The following ACSS3 variants were observed in gnomAD, a reference collection of about 807,000 sequenced individuals.
ACSS3 encodes acyl-CoA synthetase short chain family member 3.
In ACSS3, 64 loss-of-function variants were observed where a neutral mutation model predicts 84.2. That is an observed-to-expected ratio of 0.76 (90% CI 0.62 to 0.94). ACSS3 has a LOEUF of 0.94. Among genes scored for constraint, ACSS3 ranks in the 40% least tolerant of loss-of-function variants. The pLI, the probability that ACSS3 is intolerant of heterozygous loss-of-function variation, is 0.00. For synonymous variants in ACSS3, 317 were observed against 310.1 expected, an observed-to-expected ratio of 1.02 and a Z score of -0.23; for missense variants, 815 against 867.6, an observed-to-expected ratio of 0.94 and a Z score of 0.76.
At chr12:81,122,071 T>A (rs1005654223) in intron 2 of ACSS3, among the ~76,000 whole-genome samples, 35 of 151,984 alleles carry the variant, frequency 2.3e-4, no homozygotes, top group African/African-American at 8.4e-4. Flanking sequence ...TAGCTGGGAC[T>A]ACAGGTGCGT....
Position 81,132,678 on chromosome 12 carries a change from G to A in ACSS3, c.457-2138G>A, listed in dbSNP as rs182991525. Reference sequence around the variant, plus strand: ...TTTTTTAATCTCATTTCTTTCAGAGGACAGAAAATTGGTGGGCATCTTCCA... The same window carrying A: ...TTTTTTAATCTCATTTCTTTCAGAGAACAGAAAATTGGTGGGCATCTTCCA... On this transcript the variant is annotated intron_variant, in intron 2 of 15. Transcript: ENST00000548058. 4.5e-3 allele frequency among the ~76,000 whole-genome samples: 681 copies of A among 152,014 alleles called. 3 individuals carry two copies. The highest frequency in any genetic ancestry group is 0.016 in the African/African-American group (645 of 41,452).
intron 8 of ACSS3, among the ~76,000 whole-genome samples, chr12:81,186,993 G>C (rs763621060): frequency 7.3e-5 from 11 of 151,506 alleles, no homozygotes; most frequent in Non-Finnish European, 1.2e-4. Flanking sequence ...AAGAAACTGT[G>C]GTACATATAT....
At chr12:81,244,537 T>C (rs2033919359) in intron 13 of ACSS3, among the ~76,000 whole-genome samples, 1 of 152,102 alleles carries the variant, frequency 6.6e-6, no homozygotes, top group African/African-American at 2.4e-5. Flanking sequence ...TCTTGGATAT[T>C]TTGTTCTGTT....
intron 13 of ACSS3, among the ~76,000 whole-genome samples, chr12:81,234,155 C>A (rs1471422936): frequency 6.6e-6 from 1 of 151,330 alleles, no homozygotes; most frequent in Non-Finnish European, 1.5e-5. Context: ...AGTATTGTAA[C>A]CTTTGAGACT....
rs531263945 is a variant in ACSS3, at chr12:81,251,635, C to T, written c.1720-1672C>T. Among the ~76,000 whole-genome samples the T allele has an allele frequency of 8.2e-5, 11 of 134,228 alleles. No individual in the cohort carries two copies. In the East Asian group the frequency reaches 2.3e-3, roughly 28 times the overall value. 88.1% of individuals were successfully genotyped at this position (134,228 alleles called of 152,430 possible). ...TTGCTTGAGCCCAGGAGTTTGAGAC[C>T]AGCCTAGGGAACATGGCGAAACCCC... On this transcript the variant is annotated intron_variant, in intron 13 of 15. Coordinates refer to ENST00000548058, the MANE Select transcript of ACSS3 (RefSeq NM_024560.4).
At chr12:81,135,275 T>A (rs1885726023) in intron 3 of ACSS3, among the ~76,000 whole-genome samples, 1 of 135,252 alleles carries the variant, frequency 7.4e-6, no homozygotes, top group African/African-American at 3.1e-5. Flanking sequence ...ATGTGATATA[T>A]ATAATATATT....
At position 81,253,574 on chromosome 12, in the gene ACSS3, T is replaced by C. The variant is rs1234252883; in HGVS notation, c.1899T>C (p.Phe633=). Residue 633 remains phenylalanine, a synonymous_variant, in exon 15 of 16, where the codon TTT becomes TTC. Coordinates refer to ENST00000548058, the MANE Select transcript of ACSS3 (RefSeq NM_024560.4). ...VRQNIGPVAA[F]RNAVFVKQLP... ...AGAACATTGGCCCTGTGGCTGCTTTTCGAAATGCAGTGTTTGTCAAACAGC... is the reference window on the plus strand; with the variant it reads ...AGAACATTGGCCCTGTGGCTGCTTTCCGAAATGCAGTGTTTGTCAAACAGC... The C allele has an allele frequency of 2.8e-5, 45 of 1,613,862 alleles. No homozygotes were observed. The highest frequency in any genetic ancestry group is 3.6e-5 in the Non-Finnish European group (42 of 1,179,932).
chr12:81,144,645 A>T (rs10746181), intron 5 of ACSS3, among the ~76,000 whole-genome samples: 124,457 of 151,788 alleles, frequency 0.82, 54,054 homozygotes, highest in Non-Finnish European at 0.96. Flanking sequence ...CTTAATTTTT[A>T]AAAAATTTAG....
At position 81,259,478 on chromosome 12, in the gene ACSS3, T is replaced by C. The variant is rs902218667; in HGVS notation, c.*4556T>C. 2.3e-5 allele frequency: 16 copies of C among 693,018 alleles called. No homozygotes were observed. Among genetic ancestry groups the C allele is most frequent in the African/African-American group, 5.4e-5 (3 of 55,592 alleles). The allele number at this position is 693,018 out of a possible 1,614,324, so 42.9% of individuals were successfully genotyped here. On this transcript the variant is annotated 3_prime_UTR_variant, in exon 16 of 16. Transcript: ENST00000548058. The stretch of plus-strand genomic sequence containing the variant: ...TATTATTCAAATGACTTAAGCATTT[T>C]ATTACAATTTGTAGTAAACTAATCA...
At chr12:81,231,445 G>C (rs750205852) in intron 12 of ACSS3, among the ~76,000 whole-genome samples, 1 of 151,706 alleles carries the variant, frequency 6.6e-6, no homozygotes. Context: ...TGGACTTTCT[G>C]TATGTTTCCT....
chr12:81,124,499 C>G (rs1296299351), intron 2 of ACSS3: 1 of 152,196 alleles, frequency 6.6e-6, no homozygotes, highest in African/African-American at 2.4e-5. Context: ...ATTACTGTAT[C>G]TGATACGTTG....
At chr12:81,082,381 T>C (rs1056281744) in intron 1 of ACSS3, among the ~76,000 whole-genome samples, 5 of 152,176 alleles carry the variant, frequency 3.3e-5, no homozygotes, top group South Asian at 4.1e-4. Context: ...CCAGCCTTTA[T>C]TGGGGGATAT....
At chr12:81,133,935 C>G (rs533307937) in intron 2 of ACSS3, among the ~76,000 whole-genome samples, 10 of 151,848 alleles carry the variant, frequency 6.6e-5, no homozygotes, top group African/African-American at 2.4e-4. Context: ...TCCCACAGCC[C>G]TCTATAATTG....
intron 13 of ACSS3, among the ~76,000 whole-genome samples, chr12:81,241,504 C>T (rs1212614799): frequency 6.6e-6 from 1 of 152,096 alleles, no homozygotes; most frequent in African/African-American, 2.4e-5. Context: ...CCTGTTGTTT[C>T]CTGACTTTTT....
At chr12:81,083,045 C>G (rs1881083475) in intron 1 of ACSS3, among the ~76,000 whole-genome samples, 1 of 152,162 alleles carries the variant, frequency 6.6e-6, no homozygotes. Flanking sequence ...CATTTATGTT[C>G]AGGGAACAAG....
At chr12:81,201,605 T>C (rs1052334991) in intron 9 of ACSS3, among the ~76,000 whole-genome samples, 2 of 152,212 alleles carry the variant, frequency 1.3e-5, no homozygotes, top group Non-Finnish European at 2.9e-5. Flanking sequence ...TTTAATGTAT[T>C]GTTCCAAGGG....
chr12:81,142,983 G>A (rs1004982758), intron 4 of ACSS3, 124 bp from the exon 5 acceptor site: 9 of 872,184 alleles, frequency 1.0e-5, no homozygotes, highest in Non-Finnish European at 1.4e-5. Context: ...TAAATCTGAT[G>A]TTCAGTGCCA....
rs11114776 is a variant in ACSS3, at chr12:81,139,208, G to A, written c.723G>A (p.Ala241=). 4.6e-4 allele frequency: 740 copies of A among 1,613,870 alleles called. 6 individuals carry two copies. In the African/African-American group the frequency reaches 8.6e-3, roughly 19 times the overall value. ...AGTACGTACCACTTGTAGAAGAAGC[G>A]CTAAAAATAGGACAACACAAACCAG... ...RVEYVPLVEE[A]LKIGQHKPDK... is the part of the protein sequence containing the mutation. Residue 241 remains alanine, a synonymous_variant, in exon 4 of 16, where the codon GCG becomes GCA. Transcript: ENST00000548058.
At chr12:81,177,618 A>C (rs1464981171) in intron 8 of ACSS3, among the ~76,000 whole-genome samples, 2 of 152,142 alleles carry the variant, frequency 1.3e-5, no homozygotes, top group African/African-American at 4.8e-5. Flanking sequence ...AATTTACAAG[A>C]AAAAAACCAA....
Sources: allele counts gnomAD v4.1 joint callset (sites outside exome capture counted in the v4.1 genomes callset), GRCh38; gene constraint gnomAD v4.1.1; transcripts MANE v1.5; gene names NCBI Gene and HGNC (gene_info 2026-07-23, HGNC 2026-07-21).